GABBR2: variants seen among roughly 807,000 people sequenced by gnomAD.
The protein encoded by GABBR2 is G-protein coupled receptor 51.
In GABBR2, 23 loss-of-function variants were observed where a neutral mutation model predicts 105.6. The observed-to-expected ratio is 0.22, with a 90% CI of 0.16 to 0.31. GABBR2 has a LOEUF of 0.31. Among genes scored for constraint, GABBR2 ranks in the 10% least tolerant of loss-of-function variants. The pLI is 1.00. For synonymous variants in GABBR2, 478 were observed against 499.7 expected, an observed-to-expected ratio of 0.96 and a Z score of 0.58; for missense variants, 734 against 1,245.5, an observed-to-expected ratio of 0.59 and a Z score of 6.18.
At chr9:98,687,556 ACT>A (rs1830635182) in intron 1 of GABBR2, among the ~76,000 whole-genome samples, 1 of 151,856 alleles carries the variant, frequency 6.6e-6, no homozygotes, top group Non-Finnish European at 1.5e-5. Context: ...TCAAGGAGAG[ACT>A]CTGTTGAGGC....
In GABBR2 at chr9:98,577,788, T is replaced by A. The variant is rs2808535; in HGVS notation, c.459+147A>T. On this transcript the variant is annotated intron_variant, in intron 2 of 18. Coordinates refer to ENST00000259455, the MANE Select transcript of GABBR2 (RefSeq NM_005458.8). ...GGGCCATGCCAAGTCAGGCCAGCAG[T>A]GAAAGGCTGTGCTATCACCCAGGAG... The A allele has an allele frequency of 0.14, 101,073 of 713,706 alleles. 8,110 individuals carry two copies. Among genetic ancestry groups the A allele is most frequent in the Admixed American group, 0.24 (7,846 of 32,968 alleles). The allele number at this position is 713,706 out of a possible 1,614,324, so 44.2% of individuals were successfully genotyped here. A position where few individuals can be genotyped will look rare whatever the true frequency, so the allele number is the denominator to read the frequency against.
chr9:98,413,981 A>G (rs1422780089), intron 7 of GABBR2, among the ~76,000 whole-genome samples: 1 of 152,252 alleles, frequency 6.6e-6, no homozygotes, highest in East Asian at 1.9e-4. Flanking sequence ...AAATATTAGG[A>G]TACGTGCATT....
chr9:98,708,910 G>C lies in GABBR2; in HGVS notation c.-173C>G. 1 of 165,390 alleles carries C rather than the reference G, an allele frequency of 6.0e-6. No homozygotes were observed. Among genetic ancestry groups the C allele is most frequent in the Non-Finnish European group, 1.1e-5 (1 of 87,292 alleles). The allele number at this position is 165,390 out of a possible 1,614,324, so 10.2% of individuals were successfully genotyped here. A position where few individuals can be genotyped will look rare whatever the true frequency, so the allele number is the denominator to read the frequency against. The stretch of plus-strand genomic sequence containing the variant: ...TCAGAACGGCCGCGGCGGCGGCGGC[G>C]GCAGCGGCGGCGCCCGTGACGGATC... On this transcript the variant is annotated 5_prime_UTR_variant, in exon 1 of 19. Coordinates refer to ENST00000259455, the MANE Select transcript of GABBR2 (RefSeq NM_005458.8).
intron 4 of GABBR2, among the ~76,000 whole-genome samples, chr9:98,482,726 C>G (rs1268653688): frequency 6.6e-6 from 1 of 152,052 alleles, no homozygotes; most frequent in East Asian, 1.9e-4. Context: ...TCTCCTGGAG[C>G]CTCAATTCCT....
intron 2 of GABBR2, among the ~76,000 whole-genome samples, chr9:98,545,519 G>T (rs1381317021): frequency 6.6e-6 from 1 of 152,106 alleles, no homozygotes; most frequent in Non-Finnish European, 1.5e-5. Context: ...GAGTTATTTG[G>T]GGGAGATTTT....
chr9:98,396,231 A>G (rs563021508), intron 8 of GABBR2, among the ~76,000 whole-genome samples: 1 of 152,322 alleles, frequency 6.6e-6, no homozygotes, highest in South Asian at 2.1e-4. Flanking sequence ...CCCCAGATGA[A>G]AGCCTCTGTG....
At chr9:98,601,167 T>A (rs1278500247) in intron 1 of GABBR2, among the ~76,000 whole-genome samples, 1 of 152,190 alleles carries the variant, frequency 6.6e-6, no homozygotes, top group Non-Finnish European at 1.5e-5. Flanking sequence ...AAACAAAACG[T>A]ATCAGAATAC....
chr9:98,350,635 C>T (rs891594870), intron 13 of GABBR2, among the ~76,000 whole-genome samples: 3 of 151,986 alleles, frequency 2.0e-5, no homozygotes, highest in East Asian at 1.9e-4. Context: ...AAAAATTTGT[C>T]GAGACTTGTT....
intron 16 of GABBR2, among the ~76,000 whole-genome samples, chr9:98,300,105 C>T (rs1391056655): frequency 6.6e-6 from 1 of 151,626 alleles, no homozygotes; most frequent in Non-Finnish European, 1.5e-5. Flanking sequence ...CTCAAGCAAT[C>T]CTCCCACTTT....
intron 4 of GABBR2, among the ~76,000 whole-genome samples, chr9:98,488,467 C>A (rs1827106095): frequency 2.0e-5 from 3 of 152,148 alleles, no homozygotes; most frequent in Admixed American, 2.0e-4. Flanking sequence ...CCAAACATGG[C>A]TCTAAATGGC....
chr9:98,326,472 C>T (rs994029046), intron 13 of GABBR2, among the ~76,000 whole-genome samples: 2 of 152,194 alleles, frequency 1.3e-5, no homozygotes, highest in Non-Finnish European at 1.5e-5. Context: ...ATATTCTCAG[C>T]TTTTTTATAA....
intron 1 of GABBR2, among the ~76,000 whole-genome samples, chr9:98,689,559 C>T (rs1266355793): frequency 6.6e-6 from 1 of 152,164 alleles, no homozygotes; most frequent in Admixed American, 6.5e-5. Context: ...TTCCCACATT[C>T]CAGGTTTCTG....
At chr9:98,565,566 G>A (rs2131767021) in intron 2 of GABBR2, among the ~76,000 whole-genome samples, 1 of 152,292 alleles carries the variant, frequency 6.6e-6, no homozygotes, top group South Asian at 2.1e-4. Flanking sequence ...TCATCCCATG[G>A]AGGTGACCCC....
intron 3 of GABBR2, among the ~76,000 whole-genome samples, chr9:98,510,843 T>A (rs1827623928): frequency 6.6e-6 from 1 of 151,746 alleles, no homozygotes; most frequent in Non-Finnish European, 1.5e-5. Context: ...CACCCCACTG[T>A]CAACATTAGA....
chr9:98,627,885 A>C (rs566509291), intron 1 of GABBR2, among the ~76,000 whole-genome samples: 1 of 152,362 alleles, frequency 6.6e-6, no homozygotes, highest in Admixed American at 6.5e-5. Flanking sequence ...AAGGTCACGC[A>C]GCTCTTCAGG....
At chr9:98,294,588 C>T (rs1219560798) in intron 17 of GABBR2, among the ~76,000 whole-genome samples, 8 of 151,926 alleles carry the variant, frequency 5.3e-5, no homozygotes, top group Non-Finnish European at 1.0e-4. Context: ...AAGCAATTCT[C>T]CTGTGTCAGC....
chr9:98,469,619 T>A (rs1356028522), intron 6 of GABBR2, among the ~76,000 whole-genome samples: 1 of 152,218 alleles, frequency 6.6e-6, no homozygotes, highest in Non-Finnish European at 1.5e-5. Flanking sequence ...AATCTTATCC[T>A]GAGAGCCTTA....
intron 2 of GABBR2, among the ~76,000 whole-genome samples, chr9:98,550,310 T>C (rs1828467067): frequency 6.6e-6 from 1 of 152,218 alleles, no homozygotes; most frequent in Non-Finnish European, 1.5e-5. Flanking sequence ...CAAGAAAGCA[T>C]GAAAATGTTT....
At chr9:98,514,856 C>G (rs879359066) in intron 3 of GABBR2, among the ~76,000 whole-genome samples, 4 of 152,142 alleles carry the variant, frequency 2.6e-5, no homozygotes, top group Non-Finnish European at 5.9e-5. Flanking sequence ...GCTCTTGTCT[C>G]TTGAAGAATG....
Sources: gnomAD v4.1 joint callset for allele counts (sites outside exome capture counted in the v4.1 genomes callset) on GRCh38, gnomAD v4.1.1 for gene constraint, MANE v1.5 for transcripts, NCBI Gene and HGNC (gene_info 2026-07-23, HGNC 2026-07-21) for gene names.